DMGDH: variants seen among roughly 807,000 people sequenced by gnomAD.
DMGDH encodes dimethylglycine dehydrogenase, also known as dimethylglycine dehydrogenase, mitochondrial.
DMGDH carries 76 observed loss-of-function variants against 95.2 expected under a neutral mutation model. The observed-to-expected ratio is 0.80, with a 90% CI of 0.66 to 0.97. The LOEUF (loss-of-function observed/expected upper bound fraction) is 0.97. Among genes scored for constraint, DMGDH ranks in the 50% least tolerant of loss-of-function variants. The pLI is 0.00. For synonymous variants in DMGDH, 345 were observed against 377.6 expected (o/e 0.91, Z 1.00); for missense variants, 987 against 1,055.0 (o/e 0.94, Z 0.89).
chr5:79,044,213 G>A, intron 6 of DMGDH, 91 bp downstream of exon 6: 1 of 1,572,340 alleles, frequency 6.4e-7, no homozygotes. Context: ...CTAGTATTAT[G>A]TTGTTGTCTT....
intron 5 of DMGDH, among the ~76,000 whole-genome samples, chr5:79,045,356 AT>A (rs886307584): frequency 2.5e-4 from 38 of 152,106 alleles, no homozygotes; most frequent in African/African-American, 9.2e-4. Context: ...GGTGAATGTT[AT>A]TTTTTTCATT....
intron 4 of DMGDH, 107 bp downstream of exon 4, chr5:79,054,077 A>G: frequency 3.1e-6 from 4 of 1,292,812 alleles, no homozygotes; most frequent in Non-Finnish European, 4.4e-6. Context: ...ATTTTGTCAC[A>G]TTTAAAATGT....
Position 79,019,291 on chromosome 5 carries a change from T to C in DMGDH, c.2250+4980A>G, listed in dbSNP as rs576780859. 6.2e-4 allele frequency among the ~76,000 whole-genome samples: 95 copies of C among 152,292 alleles called. 2 individuals carry two copies. Among genetic ancestry groups the C allele is most frequent in the African/African-American group, 1.8e-3 (76 of 41,558 alleles). ...TGGGGCAGAATACGAACCTGTAGCC[T>C]AGCTGGAATAGGCTCTAGATCTATT... is the stretch of plus-strand genomic sequence containing the variant. On this transcript the variant is annotated intron_variant, in intron 14 of 15. Transcript: ENST00000255189.
intron 3 of DMGDH, among the ~76,000 whole-genome samples, chr5:79,055,386 A>G (rs1423763041): frequency 6.6e-6 from 1 of 152,118 alleles, no homozygotes; most frequent in East Asian, 1.9e-4. Flanking sequence ...TTATTTTGAG[A>G]GTTTGAGTAA....
At chr5:79,021,264 A>G (rs1409294795) in intron 14 of DMGDH, 1 of 1,041,222 alleles carries the variant, frequency 9.6e-7, no homozygotes, top group Non-Finnish European at 1.2e-6. Context: ...AATTACGGCT[A>G]AGAACGTATC....
intron 13 of DMGDH, among the ~76,000 whole-genome samples, chr5:79,025,693 C>T (rs75359998): frequency 0.054 from 8,220 of 152,166 alleles, 460 homozygotes; most frequent in African/African-American, 0.13. Flanking sequence ...TACCACTATC[C>T]CTTATCTTAC....
chr5:79,053,230 A>G (rs1580224088), intron 4 of DMGDH, among the ~76,000 whole-genome samples: 2 of 152,118 alleles, frequency 1.3e-5, no homozygotes, highest in East Asian at 3.8e-4. Context: ...ATAGCTCACT[A>G]TAACCTCAAA....
chr5:79,030,778 T>C, intron 10 of DMGDH, 55 bp downstream of exon 10: 1 of 1,588,994 alleles, frequency 6.3e-7, no homozygotes, highest in Non-Finnish European at 8.6e-7. Context: ...ACATATGGGA[T>C]GAAGAATTAA....
At chr5:79,028,864 G>C (rs1231143569) in intron 11 of DMGDH, among the ~76,000 whole-genome samples, 2 of 152,112 alleles carry the variant, frequency 1.3e-5, no homozygotes, top group Non-Finnish European at 2.9e-5. Flanking sequence ...TATAAATTTG[G>C]GGGGTAATTT....
intron 14 of DMGDH, among the ~76,000 whole-genome samples, chr5:79,019,965 G>A (rs1753825503): frequency 6.6e-6 from 1 of 152,120 alleles, no homozygotes; most frequent in Non-Finnish European, 1.5e-5. Flanking sequence ...TGATTTTGGG[G>A]GTCTGGGATG....
In DMGDH at chr5:79,032,668, G is replaced by A. The variant is rs1038625096; in HGVS notation, c.1517+19C>T. On this transcript the variant is annotated intron_variant, in intron 9 of 15. Transcript: ENST00000255189. ...CACCCCTCGGTCAGAACCACAGGCA[G>A]GTAAAGTCCTTCTCCCACCTGTACT... 6.2e-7 allele frequency: 1 copy of A among 1,614,038 alleles called. No homozygotes were observed. Among genetic ancestry groups the A allele is most frequent in the Non-Finnish European group, 8.5e-7 (1 of 1,179,986 alleles).
At chr5:79,040,145 C>T (rs1355498074) in intron 7 of DMGDH, among the ~76,000 whole-genome samples, 4 of 152,148 alleles carry the variant, frequency 2.6e-5, no homozygotes, top group Non-Finnish European at 5.9e-5. Context: ...GACTGTTGTC[C>T]GAAGTGAGAG....
intron 12 of DMGDH, 38 bp from the exon 13 acceptor site, chr5:79,026,619 C>A (rs771529475): frequency 1.2e-6 from 2 of 1,613,754 alleles, no homozygotes; most frequent in Admixed American, 1.7e-5. Context: ...AGGGCAAGAA[C>A]AATGATCACT....
chr5:78,998,196 C>T lies in DMGDH; in HGVS notation c.2487G>A (p.Val829=), dbSNP rs770363024. The change falls in exon 16 of 16, where the codon GTG becomes GTA. Residue 829 remains valine (V), a synonymous_variant. Transcript: ENST00000255189. The part of the protein sequence containing the change: ...PVQLSEVGQQ[V]EVELLGKNYP... ...AATTTTTGCCTAATAGTTCAACTTC[C>T]ACTTGCTGTCCCACTTCACTTAGTT... is the stretch of plus-strand genomic sequence containing the variant. 6.2e-7 allele frequency: 1 copy of T among 1,614,144 alleles called. No homozygotes were observed. The highest frequency in any genetic ancestry group is 1.1e-5 in the South Asian group (1 of 91,084).
chr5:79,067,936 G>A (rs1424221754), intron 1 of DMGDH, among the ~76,000 whole-genome samples: 1 of 152,132 alleles, frequency 6.6e-6, no homozygotes, highest in Non-Finnish European at 1.5e-5. Context: ...GTTTTTGTTT[G>A]TGAGATGGAA....
intron 5 of DMGDH, among the ~76,000 whole-genome samples, chr5:79,047,498 C>T (rs1367763282): frequency 6.6e-6 from 1 of 151,954 alleles, no homozygotes; most frequent in Non-Finnish European, 1.5e-5. Flanking sequence ...GTAAATTTTA[C>T]AAAGTTATCT....
At position 79,069,530 on chromosome 5, in the gene DMGDH, C is replaced by G; in HGVS notation, c.91G>C (p.Gly31Arg). The change falls in exon 1 of 16, where the codon GGC (glycine) becomes CGC (arginine). Residue 31 changes from glycine (G) to arginine (R), a missense_variant. By Grantham distance (125) the Gly-to-Arg change is moderately radical. Coordinates refer to ENST00000255189, the MANE Select transcript of DMGDH (RefSeq NM_013391.3). ...GSPGRPRSVC[G>R]REGEEKPPLS... Reference sequence around the variant, plus strand: ...CGGGGCCCCACTCACCCTTCCCGGCCGCAGACAGAGCGCGGGCGCCCGGGG... The same window carrying G: ...CGGGGCCCCACTCACCCTTCCCGGCGGCAGACAGAGCGCGGGCGCCCGGGG... The G allele has an allele frequency of 2.3e-6, 3 of 1,306,730 alleles. No individual in the cohort carries two copies. The highest frequency in any genetic ancestry group is 2.9e-6 in the Non-Finnish European group (3 of 1,030,390). The allele number at this position is 1,306,730 out of a possible 1,614,324, so 80.9% of individuals were successfully genotyped here.
intron 2 of DMGDH, among the ~76,000 whole-genome samples, chr5:79,057,190 A>G (rs1377572324): frequency 6.6e-6 from 1 of 152,240 alleles, no homozygotes; most frequent in East Asian, 1.9e-4. Context: ...GTATCTAAAT[A>G]TTAGCTACAC....
chr5:79,033,750 G>A (rs1015696964), intron 7 of DMGDH, among the ~76,000 whole-genome samples: 1 of 152,160 alleles, frequency 6.6e-6, no homozygotes, highest in Non-Finnish European at 1.5e-5. Flanking sequence ...GGCCAACAAA[G>A]TGAGAACTCA....
Sources: allele counts gnomAD v4.1 joint callset (sites outside exome capture counted in the v4.1 genomes callset), GRCh38; gene constraint gnomAD v4.1.1; transcripts MANE v1.5; gene names NCBI Gene and HGNC (gene_info 2026-07-23, HGNC 2026-07-21).